Variants in MAP3K7 observed in about 807,000 individuals in gnomAD.
MAP3K7 encodes the protein TGF-beta activated kinase 1.
Under a neutral mutation model 84.8 loss-of-function variants are expected in MAP3K7, and 21 were observed. The ratio of observed to expected loss-of-function variants is 0.25; its 90% CI spans 0.18 to 0.36. The LOEUF (loss-of-function observed/expected upper bound fraction) is 0.36, where lower values mean the gene tolerates loss of function less well. Among genes scored for constraint, MAP3K7 ranks in the 10% least tolerant of loss-of-function variants. The pLI, the probability that MAP3K7 is intolerant of heterozygous loss-of-function variation, is 1.00. For synonymous variants in MAP3K7, 241 were observed against 247.7 expected (o/e 0.97, Z 0.25); for missense variants, 503 against 747.7 (o/e 0.67, Z 3.82).
At chr6:90,551,974 C>A in intron 8 of MAP3K7, 75 bp downstream of exon 8, 1 of 1,476,812 alleles carries the variant, frequency 6.8e-7, no homozygotes, top group South Asian at 1.4e-5. Flanking sequence ...AATAACATCC[C>A]TTTTAAAATT....
At chr6:90,563,550 C>A (rs1419688642) in intron 3 of MAP3K7, among the ~76,000 whole-genome samples, 1 of 152,106 alleles carries the variant, frequency 6.6e-6, no homozygotes, top group African/African-American at 2.4e-5. Context: ...AACAAAGACT[C>A]CAAGAAATAT....
At chr6:90,581,787 CT>C (rs983063237) in intron 1 of MAP3K7, among the ~76,000 whole-genome samples, 96 of 152,280 alleles carry the variant, frequency 6.3e-4, no homozygotes, top group African/African-American at 2.2e-3. Flanking sequence ...TAAATAGTGA[CT>C]AACAAATCTA....
intron 3 of MAP3K7, 144 bp downstream of exon 3, chr6:90,568,414 G>A: frequency 1.6e-6 from 1 of 611,060 alleles, no homozygotes; most frequent in Non-Finnish European, 2.8e-6. Context: ...TAAAGTATTG[G>A]AGGTACCTTT....
At chr6:90,534,177 G>C (rs773480298) in intron 13 of MAP3K7, among the ~76,000 whole-genome samples, 10 of 152,074 alleles carry the variant, frequency 6.6e-5, no homozygotes, top group Non-Finnish European at 1.3e-4. Flanking sequence ...ATGGAATCAC[G>C]CTTAGCCAGA....
intron 12 of MAP3K7, among the ~76,000 whole-genome samples, chr6:90,539,306 C>A (rs779508781): frequency 6.6e-6 from 1 of 151,836 alleles, no homozygotes; most frequent in Non-Finnish European, 1.5e-5. Context: ...TACAATATGG[C>A]AGAAAGGCCA....
At chr6:90,578,925 C>T (rs1356795468) in intron 1 of MAP3K7, among the ~76,000 whole-genome samples, 1 of 152,156 alleles carries the variant, frequency 6.6e-6, no homozygotes, top group Non-Finnish European at 1.5e-5. Context: ...CTCTTTCTTA[C>T]AAATATGATG....
At chr6:90,528,463 G>C (rs962040158) in intron 13 of MAP3K7, among the ~76,000 whole-genome samples, 6 of 152,156 alleles carry the variant, frequency 3.9e-5, no homozygotes, top group Non-Finnish European at 5.9e-5. Flanking sequence ...TATCTGGAGA[G>C]GGGTTGGGGC....
intron 1 of MAP3K7, among the ~76,000 whole-genome samples, chr6:90,580,838 A>C (rs958305695): frequency 1.3e-5 from 2 of 152,244 alleles, no homozygotes; most frequent in African/African-American, 4.8e-5. Flanking sequence ...CAATTTGGAA[A>C]TATTTCCTTC....
chr6:90,565,128 C>G (rs890473893), intron 3 of MAP3K7, among the ~76,000 whole-genome samples: 1 of 152,034 alleles, frequency 6.6e-6, no homozygotes, highest in Non-Finnish European at 1.5e-5. Context: ...AATTGACACC[C>G]TAACATCACA....
At chr6:90,554,979 A>C (rs974246591) in intron 6 of MAP3K7, among the ~76,000 whole-genome samples, 1 of 152,198 alleles carries the variant, frequency 6.6e-6, no homozygotes, top group African/African-American at 2.4e-5. Context: ...CTTTAAAGTC[A>C]TCAAAACTGA....
At chr6:90,552,397 TAGAA>T (rs1192779061) in intron 7 of MAP3K7, among the ~76,000 whole-genome samples, 3 of 152,096 alleles carry the variant, frequency 2.0e-5, no homozygotes, top group South Asian at 4.1e-4. Flanking sequence ...TGACAACTGA[TAGAA>T]AGCAAGCAAG....
At chr6:90,527,258 T>TTTTC (rs141831070) in intron 13 of MAP3K7, among the ~76,000 whole-genome samples, 1 of 152,038 alleles carries the variant, frequency 6.6e-6, no homozygotes, top group Admixed American at 6.6e-5. Flanking sequence ...GAGAATTTCT[T>TTTTC]TTTCTTTCTT....
At chr6:90,568,213 TA>T (rs1037900177) in intron 3 of MAP3K7, among the ~76,000 whole-genome samples, 5 of 151,610 alleles carry the variant, frequency 3.3e-5, no homozygotes, top group Admixed American at 1.3e-4. Context: ...TAAAGTATAA[TA>T]AAAAAAGATA....
chr6:90,526,817 C>T (rs1180434857), intron 13 of MAP3K7, among the ~76,000 whole-genome samples: 1 of 151,888 alleles, frequency 6.6e-6, no homozygotes, highest in Non-Finnish European at 1.5e-5. Flanking sequence ...ATCAAACATT[C>T]AAGATAAGGA....
chr6:90,533,587 T>C lies in MAP3K7; in HGVS notation c.1356+2750A>G, dbSNP rs571534447. On this transcript the variant is annotated intron_variant, in intron 13 of 16. Coordinates refer to ENST00000369329, the MANE Select transcript of MAP3K7 (RefSeq NM_145331.3). Reference sequence around the variant, plus strand: ...AGAAGCAGCAGTCACTCTTAATAGCTGGGAGAGGACAATGTTAGGTATTTT... The same window carrying C: ...AGAAGCAGCAGTCACTCTTAATAGCCGGGAGAGGACAATGTTAGGTATTTT... 3.0e-4 allele frequency among the ~76,000 whole-genome samples: 45 copies of C among 152,288 alleles called. No individual in the cohort carries two copies. In the South Asian group the frequency reaches 8.9e-3, roughly 30 times the overall value.
rs898210611 is a variant in MAP3K7 at position 90,513,755 on chromosome 6, A to G, written c.*2746T>C. 1 of 152,110 alleles carries G rather than the reference A, an allele frequency of 6.6e-6. No homozygotes were observed. Among genetic ancestry groups the G allele is most frequent in the African/African-American group, 2.4e-5 (1 of 41,422 alleles). 9.4% of individuals were successfully genotyped at this position (152,110 alleles called of 1,614,324 possible). A position where few individuals can be genotyped will look rare whatever the true frequency, so the allele number is the denominator to read the frequency against. On this transcript the variant is annotated 3_prime_UTR_variant, in exon 17 of 17. Transcript: ENST00000369329. ...AGACAGGAGTTGAGCGCTGAAAACCACACACATTTATAGAAAGAAACCAAA... is the reference window on the plus strand; with the variant it reads ...AGACAGGAGTTGAGCGCTGAAAACCGCACACATTTATAGAAAGAAACCAAA...
chr6:90,577,581 AG>A (rs2127783634), intron 1 of MAP3K7, among the ~76,000 whole-genome samples: 1 of 152,352 alleles, frequency 6.6e-6, no homozygotes, highest in African/African-American at 2.4e-5. Flanking sequence ...GGCAAGGAAC[AG>A]GAAGGAACAG....
intron 12 of MAP3K7, 107 bp from the exon 13 acceptor site, chr6:90,536,508 C>G (rs983799289): frequency 1.7e-6 from 1 of 592,786 alleles, no homozygotes; most frequent in Non-Finnish European, 2.8e-6. Flanking sequence ...TGGATCTACA[C>G]AAAATGTTTG....
At chr6:90,532,248 G>A (rs925211876) in intron 13 of MAP3K7, among the ~76,000 whole-genome samples, 1 of 152,100 alleles carries the variant, frequency 6.6e-6, no homozygotes, top group African/African-American at 2.4e-5. Flanking sequence ...CAGAAAGAAC[G>A]CTGGTGGATT....
Sources: gnomAD v4.1 joint callset for allele counts (sites outside exome capture counted in the v4.1 genomes callset) on GRCh38, gnomAD v4.1.1 for gene constraint, MANE v1.5 for transcripts, NCBI Gene and HGNC (gene_info 2026-07-23, HGNC 2026-07-21) for gene names.